Variants in VAV1 observed in about 807,000 individuals in gnomAD.
VAV1 encodes the protein proto-oncogene vav.
In VAV1, 33 loss-of-function variants were observed where a neutral mutation model predicts 128.1. That is an observed-to-expected ratio of 0.26 (90% CI 0.20 to 0.34). VAV1 has a LOEUF of 0.34. Ranked by LOEUF, VAV1 falls within the 10% of genes least tolerant of loss-of-function variation. The pLI, the probability that VAV1 is intolerant of heterozygous loss-of-function variation, is 1.00. For missense variants in VAV1, 715 were observed against 1,093.7 expected (o/e 0.65, Z 4.88); for synonymous variants, 394 against 409.8 (o/e 0.96, Z 0.47).
At position 6,833,543 on chromosome 19, in the gene VAV1, G is replaced by A. The variant is rs1396827121; in HGVS notation, c.1626G>A (p.Gln542=). ...CQMLLRGTFY[Q]GYRCHRCRAS... ...TGCATCTCAGAGGTACCTTCTATCA[G>A]GGCTACCGCTGCCATCGGTGCCGGG... is the stretch of plus-strand genomic sequence containing the variant. The change falls in exon 17 of 27, where the codon CAG becomes CAA. Residue 542 remains glutamine, a synonymous_variant. Coordinates refer to ENST00000602142, the MANE Select transcript of VAV1 (RefSeq NM_005428.4). 5 of 1,608,682 alleles carry A rather than the reference G, an allele frequency of 3.1e-6. No individual in the cohort carries two copies. Among genetic ancestry groups the A allele is most frequent in the Non-Finnish European group, 4.2e-6 (5 of 1,176,804 alleles).
chr19:6,782,832 T>C (rs1277966213), intron 1 of VAV1, among the ~76,000 whole-genome samples: 1 of 150,628 alleles, frequency 6.6e-6, no homozygotes, highest in Non-Finnish European at 1.5e-5. Flanking sequence ...CAGTGAGCTA[T>C]AGATCGCGCC....
chr19:6,825,588 A>G (rs980556017), intron 8 of VAV1, among the ~76,000 whole-genome samples, 182 bp downstream of exon 8: 7 of 152,170 alleles, frequency 4.6e-5, no homozygotes, highest in African/African-American at 1.7e-4. Flanking sequence ...CTGGGTAGTC[A>G]CTTAACCTCT....
At position 6,822,639 on chromosome 19, in the gene VAV1, G is replaced by A; in HGVS notation, c.654+125G>A. The A allele has an allele frequency of 2.7e-6, 2 of 753,738 alleles. No individual in the cohort carries two copies. Among genetic ancestry groups the A allele is most frequent in the Non-Finnish European group, 4.2e-6 (2 of 476,462 alleles). 46.7% of individuals were successfully genotyped at this position (753,738 alleles called of 1,614,324 possible). ...CCTGCTCCCATCGCTTTTCCTTTCTGTGACTGTCTCCGTCTCTGAGTTTCT... is the reference window on the plus strand; with the variant it reads ...CCTGCTCCCATCGCTTTTCCTTTCTATGACTGTCTCCGTCTCTGAGTTTCT... On this transcript the variant is annotated intron_variant, in intron 6 of 26. Transcript: ENST00000602142. This position sits in a 1 kb window ranked among gnomAD's most constrained non-coding sequence, Gnocchi z 5.9.
At position 6,821,619 on chromosome 19, in the gene VAV1, C is replaced by T; in HGVS notation, c.322-3C>T. ...TCACTGAGTGGCCACTGCCCCGTCA[C>T]AGGTCATCTACACCCTGTCTGCTCT... On this transcript the variant is annotated splice_region_variant and splice_polypyrimidine_tract_variant and intron_variant, in intron 2 of 26. Coordinates refer to ENST00000602142, the MANE Select transcript of VAV1 (RefSeq NM_005428.4). 1 of 1,613,878 alleles carries T rather than the reference C, an allele frequency of 6.2e-7. No individual in the cohort carries two copies. Among genetic ancestry groups the T allele is most frequent in the Non-Finnish European group, 8.5e-7 (1 of 1,179,924 alleles).
At chr19:6,851,893 C>CT (rs945260195) in intron 24 of VAV1, among the ~76,000 whole-genome samples, 7 of 151,978 alleles carry the variant, frequency 4.6e-5, no homozygotes, top group Admixed American at 3.9e-4. Flanking sequence ...TTCAACAAAT[C>CT]TTTTTTTTCC....
intron 9 of VAV1, 121 bp from the exon 10 acceptor site, chr19:6,827,955 A>C: frequency 1.3e-6 from 1 of 791,780 alleles, no homozygotes; most frequent in Non-Finnish European, 2.1e-6. Flanking sequence ...CTCTAGAAAA[A>C]TTCCCACAGC....
At chr19:6,845,121 C>T (rs1972486972) in intron 22 of VAV1, among the ~76,000 whole-genome samples, 1 of 152,146 alleles carries the variant, frequency 6.6e-6, no homozygotes, top group Non-Finnish European at 1.5e-5. Context: ...TGGCTCACGC[C>T]TGTAATCTCA....
chr19:6,823,272 T>C (rs916892334), intron 6 of VAV1, among the ~76,000 whole-genome samples: 1 of 150,544 alleles, frequency 6.6e-6, no homozygotes, highest in Non-Finnish European at 1.5e-5. Context: ...ATTACAGGCA[T>C]GCACCACCAT....
intron 1 of VAV1, among the ~76,000 whole-genome samples, chr19:6,779,104 TATA>T (rs1048360859): frequency 1.4e-5 from 2 of 145,598 alleles, no homozygotes; most frequent in Admixed American, 1.3e-4. Flanking sequence ...CAAGCTGGAG[TATA>T]GTGGTATGAT....
intron 1 of VAV1, among the ~76,000 whole-genome samples, chr19:6,811,861 C>T (rs555681523): frequency 3.6e-4 from 55 of 152,308 alleles, no homozygotes; most frequent in African/African-American, 1.3e-3. Context: ...CAAAACAGTA[C>T]AATGCATGTG....
intron 15 of VAV1, 47 bp from the exon 16 acceptor site, chr19:6,833,137 A>G (rs778809962): frequency 6.6e-7 from 1 of 1,525,962 alleles, no homozygotes; most frequent in South Asian, 1.2e-5. Flanking sequence ...AAAAAGGAAT[A>G]AAATACTGAC....
chr19:6,839,351 C>A (rs1972312992), intron 21 of VAV1, among the ~76,000 whole-genome samples: 1 of 151,874 alleles, frequency 6.6e-6, no homozygotes, highest in Non-Finnish European at 1.5e-5. Flanking sequence ...GAAATTTGCA[C>A]AGCATAAAAC....
chr19:6,850,362 T>C (rs571664435), intron 23 of VAV1, among the ~76,000 whole-genome samples: 41 of 149,734 alleles, frequency 2.7e-4, no homozygotes, highest in African/African-American at 9.4e-4. Flanking sequence ...TATCCTATGG[T>C]TGTCTATATT....
Position 6,777,158 on chromosome 19 carries a change from C to G in VAV1, c.204+4147C>G, listed in dbSNP as rs560812531. 1.3e-5 allele frequency among the ~76,000 whole-genome samples: 2 copies of G among 151,944 alleles called. No homozygotes were observed. Among genetic ancestry groups the G allele is most frequent in the African/African-American group, 4.8e-5 (2 of 41,368 alleles). On this transcript the variant is annotated intron_variant, in intron 1 of 26. Coordinates refer to ENST00000602142, the MANE Select transcript of VAV1 (RefSeq NM_005428.4). This position sits in a 1 kb window ranked among gnomAD's most constrained non-coding sequence, Gnocchi z 4.4. ...CACCCATCCCATCCATCCATCCACT[C>G]ATCCACCCGTCTACTCATCTATCCA...
At chr19:6,779,566 CA>C (rs1970718941) in intron 1 of VAV1, among the ~76,000 whole-genome samples, 1 of 150,290 alleles carries the variant, frequency 6.7e-6, no homozygotes, top group African/African-American at 2.4e-5. Context: ...TAGTCTAAAC[CA>C]GGGAGGGGCC....
chr19:6,791,148 T>C (rs1234281572), intron 1 of VAV1, among the ~76,000 whole-genome samples: 1 of 152,200 alleles, frequency 6.6e-6, no homozygotes, highest in African/African-American at 2.4e-5. Flanking sequence ...CCTGGGTGGG[T>C]CTTAAATATC....
At chr19:6,773,867 G>A (rs1466491269) in intron 1 of VAV1, among the ~76,000 whole-genome samples, 2 of 152,146 alleles carry the variant, frequency 1.3e-5, no homozygotes, top group Non-Finnish European at 2.9e-5. Context: ...TGGGAACGGG[G>A]GACGGGGCGG....
In VAV1 at chr19:6,828,367, G is replaced by T. The variant is rs528305636; in HGVS notation, c.1024-52G>T. Reference sequence around the variant, plus strand: ...TAGCATTGTTTGGAAGGCCCTCCCCGCAGGGAGAAGGGGAGGGGCCCAGGT... The same window carrying T: ...TAGCATTGTTTGGAAGGCCCTCCCCTCAGGGAGAAGGGGAGGGGCCCAGGT... On this transcript the variant is annotated intron_variant, in intron 10 of 26. Coordinates refer to ENST00000602142, the MANE Select transcript of VAV1 (RefSeq NM_005428.4). This position sits in a 1 kb window ranked among gnomAD's most constrained non-coding sequence, Gnocchi z 4.5. The T allele has an allele frequency of 3.1e-6, 5 of 1,600,016 alleles. No individual in the cohort carries two copies. The highest frequency in any genetic ancestry group is 4.3e-6 in the Non-Finnish European group (5 of 1,167,938).
intron 1 of VAV1, among the ~76,000 whole-genome samples, chr19:6,782,478 C>T (rs1217525145): frequency 6.6e-6 from 1 of 152,070 alleles, no homozygotes; most frequent in African/African-American, 2.4e-5. Context: ...ATAGTGAGTG[C>T]TAAATGAACG....
Sources: allele counts gnomAD v4.1 joint callset (sites outside exome capture counted in the v4.1 genomes callset), GRCh38; gene constraint gnomAD v4.1.1; non-coding constraint Gnocchi (gnomAD v3.1); transcripts MANE v1.5; gene names NCBI Gene and HGNC (gene_info 2026-07-23, HGNC 2026-07-21).